The following ZNF7 variants were observed in gnomAD, a reference collection of about 807,000 sequenced individuals.
ZNF7 encodes the protein zinc finger protein 7.
ZNF7 carries 10 observed loss-of-function variants against 12.0 expected under a neutral mutation model. The ratio of observed to expected loss-of-function variants is 0.83; its 90% confidence interval spans 0.51 to 1.42. The LOEUF is 1.42. Ranked by LOEUF, ZNF7 falls within the 40% of genes most tolerant of loss-of-function variation. The pLI, the probability that ZNF7 is intolerant of heterozygous loss-of-function variation, is 0.00. For synonymous variants in ZNF7, 334 were observed against 295.0 expected (o/e 1.13, Z -1.35); for missense variants, 854 against 837.2 (o/e 1.02, Z -0.25).
intron 2 of ZNF7, 117 bp from the exon 3 acceptor site, chr8:144,829,361 T>C (rs1828168052): frequency 1.3e-6 from 2 of 1,559,788 alleles, no homozygotes; most frequent in Non-Finnish European, 1.7e-6. Flanking sequence ...GGCAGAGGAG[T>C]CCTGGTGAGC....
At chr8:144,831,757 T>C (rs1181235501) in intron 3 of ZNF7, among the ~76,000 whole-genome samples, 1 of 89,114 alleles carries the variant, frequency 1.1e-5, no homozygotes, top group African/African-American at 3.5e-5. Flanking sequence ...CAATCCGGCC[T>C]GGGCAACAGA....
Position 144,841,539 on chromosome 8 carries a change from A to G in ZNF7, c.432A>G (p.Thr144=), listed in dbSNP as rs1829908887. The G allele has an allele frequency of 6.2e-7, 1 of 1,614,062 alleles. No homozygotes were observed. Among genetic ancestry groups the G allele is most frequent in the South Asian group, 1.1e-5 (1 of 91,092 alleles). The change falls in exon 5 of 5, where the codon ACA becomes ACG. Residue 144 remains threonine (T), a synonymous_variant. Coordinates refer to ENST00000532777, the MANE Select transcript of ZNF7 (RefSeq NM_003416.4). ...SHLGSPGLKV[T]GFTFQNNCLN... is the part of the protein sequence containing the mutation. The stretch of plus-strand genomic sequence containing the variant: ...TGGGCAGTCCCGGGCTGAAAGTGAC[A>G]GGCTTTACCTTCCAAAATAACTGTT...
chr8:144,843,304 T>G lies in ZNF7; in HGVS notation c.*136T>G. 1 of 1,156,960 alleles carries G rather than the reference T, an allele frequency of 8.6e-7. No homozygotes were observed. The highest frequency in any genetic ancestry group is 1.2e-6 in the Non-Finnish European group (1 of 843,938). The allele number at this position is 1,156,960 out of a possible 1,614,324, so 71.7% of individuals were successfully genotyped here. ...AGAATTGCTCTCAAGAATATCCAAC[T>G]TCAGGCCGAGTGTGGTGGCTTATGC... On this transcript the variant is annotated 3_prime_UTR_variant, in exon 5 of 5. Transcript: ENST00000532777.
chr8:144,838,928 CGAG>C (rs1829449001), intron 4 of ZNF7: 1 of 126,078 alleles, frequency 7.9e-6, no homozygotes, highest in Non-Finnish European at 1.6e-5. Flanking sequence ...GGCGACAGAG[CGAG>C]ATGACGTCTC....
chr8:144,828,626 T>G (rs1563822439), intron 1 of ZNF7: 3 of 192,218 alleles, frequency 1.6e-5, no homozygotes, highest in South Asian at 1.9e-4. Context: ...CCCATTACAC[T>G]GAACGTTCTA....
rs913468373 is a variant in ZNF7, at chr8:144,829,609, G to T, written c.130+5G>T. 1 of 1,602,000 alleles carries T rather than the reference G, an allele frequency of 6.2e-7. No homozygotes were observed. Among genetic ancestry groups the T allele is most frequent in the Non-Finnish European group, 8.5e-7 (1 of 1,171,186 alleles). On this transcript the variant is annotated splice_donor_5th_base_variant and intron_variant, in intron 3 of 4. Coordinates refer to ENST00000532777, the MANE Select transcript of ZNF7 (RefSeq NM_003416.4). ...ACAGCAGTGTGGCTGGACTAGGTGA[G>T]GCTGCACCTTGGGGCCCCTTCCCCT... is the stretch of plus-strand genomic sequence containing the variant.
Position 144,843,360 on chromosome 8 carries a change from C to A in ZNF7, c.*192C>A. The stretch of plus-strand genomic sequence containing the variant: ...ATCCCAGCACTTTGGGAGGCCAAGG[C>A]GGGCACATCACGAGGTCAGGAGGTT... On this transcript the variant is annotated 3_prime_UTR_variant, in exon 5 of 5. Transcript: ENST00000532777. The A allele has an allele frequency of 1.7e-6, 1 of 604,536 alleles. No homozygotes were observed. Among genetic ancestry groups the A allele is most frequent in the Non-Finnish European group, 2.7e-6 (1 of 375,910 alleles). The allele number at this position is 604,536 out of a possible 1,614,324, so 37.4% of individuals were successfully genotyped here. A position where few individuals can be genotyped will look rare whatever the true frequency, so the allele number is the denominator to read the frequency against.
chr8:144,827,760 G>A, intron 1 of ZNF7, 151 bp downstream of exon 1: 1 of 876,000 alleles, frequency 1.1e-6, no homozygotes, highest in Non-Finnish European at 1.4e-6. Context: ...GGCCTTGAGC[G>A]CCTGGTGTGG....
At chr8:144,833,332 G>T (rs1039748121) in intron 3 of ZNF7, among the ~76,000 whole-genome samples, 63 of 148,990 alleles carry the variant, frequency 4.2e-4, no homozygotes, top group African/African-American at 1.6e-3. Context: ...CCTGCTTTTG[G>T]TTTGTTTTGG....
In ZNF7 at chr8:144,843,148, CA is replaced by C. The variant is rs1398571743; in HGVS notation, c.2047del (p.Ile683PhefsTer15). On this transcript the variant is annotated frameshift_variant, in exon 5 of 5. Coordinates refer to ENST00000532777, the MANE Select transcript of ZNF7 (RefSeq NM_003416.4). LOFTEE classifies it high-confidence loss of function. Reference protein sequence around the residue: ...FNRSSRLTQHQKIHMG With the variant: ...FNRSSRLTQHXKIHMG ...TCGTAGCTCAAGGCTTACCCAGCAT[CA>C]AAAAATTCACATGGGATAGACCACT... 1.3e-6 allele frequency: 2 copies of C among 1,590,072 alleles called. No individual in the cohort carries two copies. The highest frequency in any genetic ancestry group is 2.3e-5 in the South Asian group (2 of 86,908).
chr8:144,829,280 G>A (rs1828155552), intron 2 of ZNF7, 190 bp downstream of exon 2: 4 of 1,532,332 alleles, frequency 2.6e-6, no homozygotes, highest in South Asian at 1.2e-5. Context: ...CTTGAGGGGG[G>A]AGGGTTGTAT....
At chr8:144,829,752 G>C in intron 3 of ZNF7, 148 bp downstream of exon 3, 4 of 1,097,038 alleles carry the variant, frequency 3.6e-6, no homozygotes, top group Admixed American at 3.2e-5. Flanking sequence ...GGTGTGCCAG[G>C]CTGGTTCCTA....
In ZNF7 at chr8:144,842,956, G is replaced by C. The variant is rs771768452; in HGVS notation, c.1849G>C (p.Glu617Gln). The C allele has an allele frequency of 5.0e-6, 8 of 1,614,078 alleles. No individual in the cohort carries two copies. The highest frequency in any genetic ancestry group is 5.9e-6 in the Non-Finnish European group (7 of 1,180,048). ...GTTTTACGAATATGGGAATGCCCTG[G>C]AAGGGTCCACCTTTGTGAGCCGTAA... is the stretch of plus-strand genomic sequence containing the variant. ...QWFYEYGNAL[E>Q]GSTFVSRKKV... The change falls in exon 5 of 5, where the codon GAA becomes CAA. Residue 617 changes from glutamate (E) to glutamine (Q), a missense_variant. Glu to Gln is a conservative substitution (Grantham distance 29, BLOSUM62 2). Transcript: ENST00000532777.
At position 144,843,118 on chromosome 8, in the gene ZNF7, T is replaced by C; in HGVS notation, c.2011T>C (p.Phe671Leu). The C allele has an allele frequency of 6.2e-7, 1 of 1,610,482 alleles. No individual in the cohort carries two copies. Among genetic ancestry groups the C allele is most frequent in the Non-Finnish European group, 8.5e-7 (1 of 1,178,618 alleles). Residue 671 changes from phenylalanine (F) to leucine (L), a missense_variant, in exon 5 of 5, where the codon TTT becomes CTT. Phe to Leu is a conservative substitution (Grantham distance 22). Coordinates refer to ENST00000532777, the MANE Select transcript of ZNF7 (RefSeq NM_003416.4). ...PYKCNDCGKA[F>L]NRSSRLTQHQ... ...TAAATGCAATGACTGTGGCAAAGCT[T>C]TTAATCGTAGCTCAAGGCTTACCCA... is the stretch of plus-strand genomic sequence containing the variant.
intron 1 of ZNF7, chr8:144,827,835 TCGCAGCTCCC>T (rs1827949344): frequency 3.3e-6 from 1 of 301,752 alleles, no homozygotes; most frequent in Non-Finnish European, 4.9e-6. Context: ...TGGCCGAGTC[TCGCAGCTCCC>T]CGCAGACCCC....
Position 144,842,190 on chromosome 8 carries a change from C to T in ZNF7, c.1083C>T (p.Pro361=). ...RHQRTHTGER[P]YPCKECGKAF... ...AGAGAACTCACACTGGGGAGAGGCC[C>T]TACCCTTGCAAGGAGTGTGGGAAGG... The change falls in exon 5 of 5, where the codon CCC becomes CCT. Residue 361 remains proline, a synonymous_variant. Transcript: ENST00000532777. The T allele has an allele frequency of 6.2e-7, 1 of 1,613,904 alleles. No individual in the cohort carries two copies. Among genetic ancestry groups the T allele is most frequent in the Non-Finnish European group, 8.5e-7 (1 of 1,179,954 alleles).
chr8:144,829,168 C>G (rs1048844998), intron 2 of ZNF7, 78 bp downstream of exon 2: 14 of 1,604,290 alleles, frequency 8.7e-6, no homozygotes, highest in South Asian at 1.1e-5. Flanking sequence ...GGCCCTGGGC[C>G]CAGACCCTAC....
rs777227697 is a variant in ZNF7, at chr8:144,843,217, A to G, written c.*49A>G. 4 of 1,499,556 alleles carry G rather than the reference A, an allele frequency of 2.7e-6. No individual in the cohort carries two copies. The highest frequency in any genetic ancestry group is 3.6e-6 in the Non-Finnish European group (4 of 1,123,198). The allele number at this position is 1,499,556 out of a possible 1,614,324, so 92.9% of individuals were successfully genotyped here. ...ATATGTGAATAAACCTATAGCCTTA[A>G]CTTACTTATTTTATATGGAATCGTT... On this transcript the variant is annotated 3_prime_UTR_variant, in exon 5 of 5. Coordinates refer to ENST00000532777, the MANE Select transcript of ZNF7 (RefSeq NM_003416.4).
At chr8:144,841,196 T>C in intron 4 of ZNF7, 159 bp from the exon 5 acceptor site, 1 of 714,338 alleles carries the variant, frequency 1.4e-6, no homozygotes, top group Non-Finnish European at 2.3e-6. Flanking sequence ...TTTTGAGAAC[T>C]GTCAAAGGCT....
Sources: allele counts gnomAD v4.1 joint callset (sites outside exome capture counted in the v4.1 genomes callset), GRCh38; gene constraint gnomAD v4.1.1; transcripts MANE v1.5; gene names NCBI Gene and HGNC (gene_info 2026-07-23, HGNC 2026-07-21).